SPEF2: variants seen among roughly 807,000 people sequenced by gnomAD.
SPEF2 encodes the protein sperm flagellar and cilia associated 2, also known as sperm flagella and cilia-associated protein 2.
SPEF2 carries 187 observed loss-of-function variants against 224.6 expected under a neutral mutation model. The observed-to-expected ratio is 0.83, with a 90% CI of 0.74 to 0.94. The LOEUF is 0.94. Ranked by LOEUF, SPEF2 falls within the 40% of genes least tolerant of loss-of-function variation. The probability of loss-of-function intolerance (pLI) is 0.00; values close to 1 mark genes in which losing one functional copy is unlikely to be tolerated. For missense variants in SPEF2, 2,170 were observed against 2,135.6 expected (o/e 1.02, Z -0.32); for synonymous variants, 715 against 707.3 (o/e 1.01, Z -0.17).
At chr5:35,796,838 G>T (rs1367873114) in intron 33 of SPEF2, among the ~76,000 whole-genome samples, 1 of 152,146 alleles carries the variant, frequency 6.6e-6, no homozygotes, top group African/African-American at 2.4e-5. Context: ...TCTGCTAGAT[G>T]CTAGCAGGAG....
chr5:35,644,292 C>T (rs1747034257), intron 3 of SPEF2, 63 bp from the exon 4 acceptor site: 1 of 1,293,680 alleles, frequency 7.7e-7, no homozygotes, highest in East Asian at 2.7e-5. Context: ...TTTATTTGTG[C>T]TTATAATGAA....
At chr5:35,767,374 G>A (rs1752226774) in intron 26 of SPEF2, among the ~76,000 whole-genome samples, 1 of 151,552 alleles carries the variant, frequency 6.6e-6, no homozygotes, top group Admixed American at 6.6e-5. Context: ...CATCTTCTCT[G>A]TGTCTTTTCT....
At chr5:35,709,449 A>T in intron 19 of SPEF2, 1 of 1,047,706 alleles carries the variant, frequency 9.5e-7, no homozygotes, top group Non-Finnish European at 1.1e-6. Flanking sequence ...CTGTGTGCTG[A>T]ACTATAGAGT....
chr5:35,684,119 A>G (rs1279764074), intron 10 of SPEF2: 4 of 152,318 alleles, frequency 2.6e-5, no homozygotes, highest in African/African-American at 7.2e-5. Context: ...TATGTAAAGT[A>G]GAGATCTGAT....
chr5:35,764,898 A>T, intron 26 of SPEF2: 1 of 360,462 alleles, frequency 2.8e-6, no homozygotes, highest in Non-Finnish European at 5.4e-6. Context: ...CTTTCGAAAA[A>T]CATTTTAGTA....
At chr5:35,654,421 T>C (rs1179605914) in intron 6 of SPEF2, 119 bp from the exon 7 acceptor site, 6 of 739,140 alleles carry the variant, frequency 8.1e-6, no homozygotes, top group Non-Finnish European at 1.2e-5. Flanking sequence ...ATGCTTGTAT[T>C]AATAAATTAA....
chr5:35,719,357 C>A (rs1743198391), intron 20 of SPEF2, among the ~76,000 whole-genome samples: 1 of 152,176 alleles, frequency 6.6e-6, no homozygotes, highest in Admixed American at 6.5e-5. Flanking sequence ...AAAATCATCA[C>A]AGGACTGAAT....
chr5:35,715,129 C>T (rs1264194673), intron 20 of SPEF2, among the ~76,000 whole-genome samples: 4 of 152,050 alleles, frequency 2.6e-5, no homozygotes, highest in African/African-American at 4.8e-5. Context: ...GTTGCCCAAG[C>T]TGGTCTCAAA....
chr5:35,704,350 T>G (rs1259794711), intron 16 of SPEF2, among the ~76,000 whole-genome samples: 1 of 152,142 alleles, frequency 6.6e-6, no homozygotes, highest in Non-Finnish European at 1.5e-5. Flanking sequence ...TCTTTAATGT[T>G]TACTTATTTT....
At chr5:35,803,147 G>A (rs1380758355) in intron 34 of SPEF2, among the ~76,000 whole-genome samples, 1 of 152,188 alleles carries the variant, frequency 6.6e-6, no homozygotes, top group Admixed American at 6.5e-5. Flanking sequence ...TGAAATGAAT[G>A]GAGTTTAGTC....
chr5:35,808,763 T>G lies in SPEF2; in HGVS notation c.5379+1510T>G, dbSNP rs192432866. On this transcript the variant is annotated intron_variant, in intron 36 of 36. Coordinates refer to ENST00000356031, the MANE Select transcript of SPEF2 (RefSeq NM_024867.4). ...ATACACACATATATATTTATATGTA[T>G]ATATATACACACATATATATGTATA... Among the ~76,000 whole-genome samples the G allele has an allele frequency of 3.8e-3, 565 of 147,884 alleles. 3 individuals are homozygous for G. The highest frequency in any genetic ancestry group is 5.7e-3 in the Non-Finnish European group (385 of 67,188).
chr5:35,635,826 A>C (rs1190967668), intron 2 of SPEF2, among the ~76,000 whole-genome samples: 4 of 152,206 alleles, frequency 2.6e-5, no homozygotes, highest in Admixed American at 2.6e-4. Context: ...TTAAATAAGC[A>C]CTGGCAGTGT....
Position 35,709,021 on chromosome 5 carries a change from A to G in SPEF2, c.2739A>G (p.Thr913=), listed in dbSNP as rs771053605. The G allele has an allele frequency of 6.2e-7, 1 of 1,613,742 alleles. No individual in the cohort carries two copies. Among genetic ancestry groups the G allele is most frequent in the South Asian group, 1.1e-5 (1 of 91,020 alleles). The change falls in exon 19 of 37, where the codon ACA becomes ACG. Residue 913 remains threonine, a synonymous_variant. Transcript: ENST00000356031. ...AASLAELPLP[T]PPPAPPPEPE... ...CCCTGGCTGAGCTTCCACTTCCTAC[A>G]CCTCCTCCTGCTCCTCCTCCTGAAC...
chr5:35,786,299 T>C (rs1323509498), intron 30 of SPEF2, among the ~76,000 whole-genome samples: 1 of 152,032 alleles, frequency 6.6e-6, no homozygotes, highest in African/African-American at 2.4e-5. Flanking sequence ...TTAAATGAAA[T>C]ACAGTAACAT....
At chr5:35,677,877 C>T (rs1752241174) in intron 10 of SPEF2, among the ~76,000 whole-genome samples, 1 of 152,178 alleles carries the variant, frequency 6.6e-6, no homozygotes, top group South Asian at 2.1e-4. Context: ...ATTCTGGCTG[C>T]CTGATATATT....
chr5:35,801,443 G>A (rs1297318293), intron 34 of SPEF2, among the ~76,000 whole-genome samples: 2 of 152,034 alleles, frequency 1.3e-5, no homozygotes, highest in Non-Finnish European at 2.9e-5. Context: ...AACCTGGGAG[G>A]CAGAGGTTGC....
At chr5:35,807,405 AG>A in intron 36 of SPEF2, 152 bp downstream of exon 36, 1 of 1,237,794 alleles carries the variant, frequency 8.1e-7, no homozygotes, top group Non-Finnish European at 1.1e-6. Context: ...TAATCACATC[AG>A]GCCAGAAAGG....
At chr5:35,709,750 A>G (rs1740724587) in intron 19 of SPEF2, 5 of 985,354 alleles carry the variant, frequency 5.1e-6, no homozygotes, top group Non-Finnish European at 4.8e-6. Flanking sequence ...TAAGTGGCAG[A>G]CAATGAATAT....
At chr5:35,775,230 G>C (rs754740257) in intron 28 of SPEF2, among the ~76,000 whole-genome samples, 1 of 151,640 alleles carries the variant, frequency 6.6e-6, no homozygotes, top group Non-Finnish European at 1.5e-5. Flanking sequence ...TTTGAATCCA[G>C]CCTGGGCAAC....
Sources: allele counts gnomAD v4.1 joint callset (sites outside exome capture counted in the v4.1 genomes callset), GRCh38; gene constraint gnomAD v4.1.1; transcripts MANE v1.5; gene names NCBI Gene and HGNC (gene_info 2026-07-23, HGNC 2026-07-21).